The following GLO1 variants were observed in gnomAD, a reference collection of about 807,000 sequenced individuals.
GLO1 encodes glyoxalase I.
A neutral mutation model predicts 26.0 loss-of-function variants in GLO1; 28 were observed. That is an observed-to-expected ratio of 1.08 (90% confidence interval 0.80 to 1.48). The LOEUF (loss-of-function observed/expected upper bound fraction) is 1.48. Among genes scored for constraint, GLO1 ranks in the 40% most tolerant of loss-of-function variants. GLO1 has a pLI of 0.00. For synonymous variants in GLO1, 78 were observed against 77.6 expected, an observed-to-expected ratio of 1.00 and a Z score of -0.03; for missense variants, 225 against 224.8, an observed-to-expected ratio of 1.00 and a Z score of -0.01.
chr6:38,697,771 G>T (rs1026287963), intron 1 of GLO1, among the ~76,000 whole-genome samples: 1 of 152,150 alleles, frequency 6.6e-6, no homozygotes, highest in African/African-American at 2.4e-5. Context: ...GAACAAAGTG[G>T]TTTTCACCAG....
At chr6:38,693,685 C>CTCTATATATA (rs869232489) in intron 1 of GLO1, among the ~76,000 whole-genome samples, 46 of 86,430 alleles carry the variant, frequency 5.3e-4, no homozygotes, top group African/African-American at 1.9e-3. Flanking sequence ...CTCTCTCTCT[C>CTCTATATATA]TATATATATA....
intron 5 of GLO1, among the ~76,000 whole-genome samples, chr6:38,679,533 C>A (rs904042652): frequency 6.6e-6 from 1 of 152,088 alleles, no homozygotes; most frequent in Non-Finnish European, 1.5e-5. Flanking sequence ...TGGTGGTTCA[C>A]ATCTGTAATC....
At chr6:38,695,369 A>C (rs1191187099) in intron 1 of GLO1, among the ~76,000 whole-genome samples, 1 of 152,152 alleles carries the variant, frequency 6.6e-6, no homozygotes, top group Non-Finnish European at 1.5e-5. Context: ...ATGTATATAC[A>C]TATACCCATG....
Position 38,687,054 on chromosome 6 carries a change from T to C in GLO1, c.85-80A>G. 9 of 1,528,682 alleles carry C rather than the reference T, an allele frequency of 5.9e-6. No homozygotes were observed. The Admixed American group carries it at 8.1e-5, about 14-fold the overall frequency. The allele number at this position is 1,528,682 out of a possible 1,614,324, so 94.7% of individuals were successfully genotyped here. A position where few individuals can be genotyped will look rare whatever the true frequency, so the allele number is the denominator to read the frequency against. On this transcript the variant is annotated intron_variant, in intron 1 of 5. Coordinates refer to ENST00000373365, the MANE Select transcript of GLO1 (RefSeq NM_006708.3). ...ATTAATTGTGCTTTCTGTAACAAGA[T>C]ACAAACACAATTGTTAACCTACCAC... is the stretch of plus-strand genomic sequence containing the variant.
At chr6:38,677,687 T>A (rs540550463) in intron 5 of GLO1, among the ~76,000 whole-genome samples, 4 of 152,284 alleles carry the variant, frequency 2.6e-5, no homozygotes, top group African/African-American at 9.6e-5. Context: ...AGTGGTGGGA[T>A]TACAAGCACA....
At position 38,684,606 on chromosome 6, in the gene GLO1, A is replaced by G. The variant is rs76166202; in HGVS notation, c.168-92T>C. ...CATAACTTAATATTCAAGTTTTACT[A>G]AAAAGAAGAGCTATATGTAGTAAGC... On this transcript the variant is annotated intron_variant, in intron 2 of 5. Coordinates refer to ENST00000373365, the MANE Select transcript of GLO1 (RefSeq NM_006708.3). 287 of 796,226 alleles carry G rather than the reference A, an allele frequency of 3.6e-4. 2 individuals carry two copies. The African/African-American group carries it at 4.6e-3, about 13-fold the overall frequency. 49.3% of individuals were successfully genotyped at this position (796,226 alleles called of 1,614,324 possible).
At chr6:38,698,337 CCTT>C (rs1023712892) in intron 1 of GLO1, among the ~76,000 whole-genome samples, 22 of 151,602 alleles carry the variant, frequency 1.5e-4, no homozygotes, top group Non-Finnish European at 2.7e-4. Context: ...TGGCCATTGT[CCTT>C]CTTCCTTCCT....
intron 1 of GLO1, among the ~76,000 whole-genome samples, chr6:38,696,620 A>C (rs1486290208): frequency 1.3e-5 from 2 of 152,022 alleles, no homozygotes; most frequent in African/African-American, 2.4e-5. Flanking sequence ...GACCTACCTA[A>C]TCACTTTCTG....
At chr6:38,683,720 T>C (rs961143548) in intron 3 of GLO1, among the ~76,000 whole-genome samples, 1 of 151,934 alleles carries the variant, frequency 6.6e-6, no homozygotes, top group Admixed American at 6.6e-5. Flanking sequence ...ACCCCGTCTC[T>C]ACAAAAAATA....
chr6:38,696,988 G>A (rs1243781702), intron 1 of GLO1, among the ~76,000 whole-genome samples: 2 of 150,006 alleles, frequency 1.3e-5, no homozygotes, highest in South Asian at 2.1e-4. Flanking sequence ...GCACGATCTC[G>A]GCTCACTGCA....
rs548996114 is a variant in GLO1, at chr6:38,687,957, T to TTACTTTGGAGCCACATGCCATCTTTCTCC, written c.85-1012_85-984dup. ...AAACAGGCCTGAAAATTCTGACCACTTACTTTGGAGCCACATGCCATCTTT... is the reference window on the plus strand; with the variant it reads ...AAACAGGCCTGAAAATTCTGACCACTTACTTTGGAGCCACATGCCATCTTTCTCCTACTTTGGAGCCACATGCCATCTTT... On this transcript the variant is annotated intron_variant, in intron 1 of 5. Transcript: ENST00000373365. 9.1e-4 allele frequency among the ~76,000 whole-genome samples: 139 copies of TTACTTTGGAGCCACATGCCATCTTTCTCC among 152,108 alleles called. 3 individuals carry two copies. In the South Asian group the frequency reaches 0.028, roughly 30 times the overall value.
chr6:38,689,199 C>T (rs1019544126), intron 1 of GLO1, among the ~76,000 whole-genome samples: 1 of 152,210 alleles, frequency 6.6e-6, no homozygotes, highest in African/African-American at 2.4e-5. Flanking sequence ...GATTCTTCCC[C>T]AGAGCCTCTG....
chr6:38,678,378 G>C lies in GLO1; in HGVS notation c.467-995C>G, dbSNP rs377716244. On this transcript the variant is annotated intron_variant, in intron 5 of 5. Coordinates refer to ENST00000373365, the MANE Select transcript of GLO1 (RefSeq NM_006708.3). ...AGAAGGAAGGAAGGAGGGAGGGAGA[G>C]AGAGGAAGGAAGGAAGGAAGGAAAA... Among the ~76,000 whole-genome samples the C allele has an allele frequency of 7.7e-3, 1,163 of 150,656 alleles. 18 individuals are homozygous for C. The highest frequency in any genetic ancestry group is 0.027 in the African/African-American group (1,087 of 40,914).
chr6:38,683,868 C>T (rs1761423735), intron 3 of GLO1, among the ~76,000 whole-genome samples: 1 of 151,464 alleles, frequency 6.6e-6, no homozygotes, highest in South Asian at 2.1e-4. Flanking sequence ...GCCTGGGCAA[C>T]AGAGCAAGAC....
Position 38,684,367 on chromosome 6 carries a change from T to G in GLO1, c.308+7A>C. The stretch of plus-strand genomic sequence containing the variant: ...TAATATATATAAATATAGAAACTCA[T>G]ACTCACTGTGTCAGCTCAAGTGTAG... On this transcript the variant is annotated splice_region_variant and intron_variant, in intron 3 of 5. Coordinates refer to ENST00000373365, the MANE Select transcript of GLO1 (RefSeq NM_006708.3). 5.8e-6 allele frequency: 8 copies of G among 1,379,402 alleles called. No homozygotes were observed. Among genetic ancestry groups the G allele is most frequent in the Non-Finnish European group, 7.6e-6 (8 of 1,049,006 alleles). The allele number at this position is 1,379,402 out of a possible 1,614,324, so 85.4% of individuals were successfully genotyped here. A position where few individuals can be genotyped will look rare whatever the true frequency, so the allele number is the denominator to read the frequency against.
chr6:38,690,360 C>T (rs1478923887), intron 1 of GLO1, among the ~76,000 whole-genome samples: 3 of 152,154 alleles, frequency 2.0e-5, no homozygotes, highest in African/African-American at 7.2e-5. Flanking sequence ...TGCTTTTAAA[C>T]CACTAACTGC....
chr6:38,702,853 C>A lies in GLO1; in HGVS notation c.84+118G>T, dbSNP rs944124621. The A allele has an allele frequency of 4.7e-6, 3 of 633,112 alleles. No homozygotes were observed. The South Asian group carries it at 5.4e-5, about 11-fold the overall frequency. The allele number at this position is 633,112 out of a possible 1,614,324, so 39.2% of individuals were successfully genotyped here. On this transcript the variant is annotated intron_variant, in intron 1 of 5. Transcript: ENST00000373365. ...CACCATTATCCCTCTTCCCATCACA[C>A]TCCCGTCCGCCCGAGGCCGGCGGAC...
rs1185071792 is a variant in GLO1 at position 38,698,709 on chromosome 6, T to A, written c.84+4262A>T. ...GAGTCTCTCTCTGTTGCCAGGAGAA[T>A]CTGACCTTTTAAAGAAAGTTAGCCC... On this transcript the variant is annotated intron_variant, in intron 1 of 5. Transcript: ENST00000373365. Among the ~76,000 whole-genome samples, 19 of 134,754 alleles carry A rather than the reference T, an allele frequency of 1.4e-4. No homozygotes were observed. The Admixed American group carries it at 1.6e-3, about 11-fold the overall frequency. 88.4% of individuals were successfully genotyped at this position (134,754 alleles called of 152,430 possible).
Position 38,703,022 on chromosome 6 carries a change from G to C in GLO1, c.33C>G (p.Leu11=). The change falls in exon 1 of 6, where the codon CTC becomes CTG. Residue 11 remains leucine, a synonymous_variant. Transcript: ENST00000373365. MAEPQPPSGG[L]TDEAALSCCS... Reference sequence around the variant, plus strand: ...AGCAACTGAGGGCGGCCTCGTCCGTGAGGCCGCCGGACGGGGGCTGCGGTT... The same window carrying C: ...AGCAACTGAGGGCGGCCTCGTCCGTCAGGCCGCCGGACGGGGGCTGCGGTT... 6.3e-7 allele frequency: 1 copy of C among 1,593,388 alleles called. No individual in the cohort carries two copies. The highest frequency in any genetic ancestry group is 2.2e-5 in the East Asian group (1 of 44,462).
Sources: gnomAD v4.1 joint callset for allele counts (sites outside exome capture counted in the v4.1 genomes callset) on GRCh38, gnomAD v4.1.1 for gene constraint, MANE v1.5 for transcripts, NCBI Gene and HGNC (gene_info 2026-07-23, HGNC 2026-07-21) for gene names.